PTPN13: variants seen among roughly 807,000 people sequenced by gnomAD.
PTPN13 encodes tyrosine-protein phosphatase non-receptor type 13.
A neutral mutation model predicts 284.0 loss-of-function variants in PTPN13; 191 were observed. The ratio of observed to expected loss-of-function variants is 0.67; its 90% CI spans 0.60 to 0.76. The LOEUF is 0.76. Among genes scored for constraint, PTPN13 ranks in the 30% least tolerant of loss-of-function variants. The pLI is 0.00. For synonymous variants in PTPN13, 986 were observed against 1,022.3 expected, an observed-to-expected ratio of 0.96 and a Z score of 0.68; for missense variants, 2,797 against 2,939.9, an observed-to-expected ratio of 0.95 and a Z score of 1.12.
chr4:86,759,199 A>G (rs1166287654), intron 23 of PTPN13, 126 bp downstream of exon 23: 5 of 941,192 alleles, frequency 5.3e-6, no homozygotes, highest in Non-Finnish European at 7.8e-6. Flanking sequence ...AACTGTGATT[A>G]CTTAATGTGT....
At chr4:86,674,746 C>T (rs535351285) in intron 3 of PTPN13, among the ~76,000 whole-genome samples, 13 of 152,146 alleles carry the variant, frequency 8.5e-5, no homozygotes, top group South Asian at 2.1e-4. Flanking sequence ...TTGTATGTTA[C>T]GGAGTAGATA....
chr4:86,722,837 A>G (rs1169484288), intron 10 of PTPN13, among the ~76,000 whole-genome samples: 3 of 152,170 alleles, frequency 2.0e-5, no homozygotes, highest in Admixed American at 6.5e-5. Context: ...TATCAAGTGC[A>G]TTTCATCTTG....
intron 44 of PTPN13, 60 bp downstream of exon 44, chr4:86,805,429 A>T (rs1258566215): frequency 1.9e-6 from 2 of 1,054,876 alleles, no homozygotes; most frequent in African/African-American, 3.3e-5. Flanking sequence ...ATGGATTAAA[A>T]TTTTTTGTGT....
chr4:86,762,615 TTG>T, intron 23 of PTPN13, 110 bp from the exon 24 acceptor site: 7 of 835,334 alleles, frequency 8.4e-6, no homozygotes, highest in Non-Finnish European at 1.3e-5. Context: ...TAATGGTGTT[TTG>T]TGTGTCATCC....
chr4:86,701,326 T>A lies in PTPN13; in HGVS notation c.720T>A (p.Ser240=), dbSNP rs1275684143. ...TTCTTAACAAAGGGCTTAGTAAATC[T>A]ATGGGATTTCTGTCCATCAAAGATA... The part of the protein sequence containing the change: ...QTFLNKGLSK[S]MGFLSIKDTQ... The change falls in exon 7 of 48, where the codon TCT becomes TCA. Residue 240 remains serine (S), a synonymous_variant. Coordinates refer to ENST00000411767, the MANE Select transcript of PTPN13 (RefSeq NM_080683.3). The A allele has an allele frequency of 6.2e-7, 1 of 1,612,808 alleles. No individual in the cohort carries two copies. Among genetic ancestry groups the A allele is most frequent in the Non-Finnish European group, 8.5e-7 (1 of 1,179,060 alleles).
chr4:86,761,855 A>T (rs1738734902), intron 23 of PTPN13, among the ~76,000 whole-genome samples: 1 of 151,842 alleles, frequency 6.6e-6, no homozygotes, highest in Non-Finnish European at 1.5e-5. Context: ...ATTACTCTTA[A>T]TTTTTCCCTT....
rs1290980150 is a variant in PTPN13 at position 86,716,219 on chromosome 4, A to G, written c.1196-311A>G. Among the ~76,000 whole-genome samples the G allele has an allele frequency of 5.3e-5, 8 of 152,304 alleles. 1 individual carries two copies. Among genetic ancestry groups the G allele is most frequent in the Admixed American group, 5.2e-4 (8 of 15,294 alleles). On this transcript the variant is annotated intron_variant, in intron 7 of 47. Coordinates refer to ENST00000411767, the MANE Select transcript of PTPN13 (RefSeq NM_080683.3). ...ATTCTCACAACCTTATGCGATGTGC[A>G]CTATTATTATACCCCCTCTTTGGCT... is the stretch of plus-strand genomic sequence containing the variant.
intron 9 of PTPN13, among the ~76,000 whole-genome samples, chr4:86,718,957 T>C (rs1387805550): frequency 1.3e-5 from 2 of 152,194 alleles, no homozygotes; most frequent in African/African-American, 4.8e-5. Context: ...CAAAGATCTA[T>C]GCTTTACGTT....
chr4:86,758,868 A>G, intron 22 of PTPN13, 74 bp from the exon 23 acceptor site: 1 of 1,583,968 alleles, frequency 6.3e-7, no homozygotes, highest in South Asian at 1.1e-5. Context: ...ATAATTGAGA[A>G]AGAGATGATA....
At chr4:86,607,429 C>T (rs1223876915) in intron 1 of PTPN13, among the ~76,000 whole-genome samples, 1 of 151,896 alleles carries the variant, frequency 6.6e-6, no homozygotes, top group East Asian at 1.9e-4. Flanking sequence ...GTGTGCTAGG[C>T]ACTCTTTTAA....
chr4:86,806,894 C>CT (rs1744721363), intron 44 of PTPN13, among the ~76,000 whole-genome samples: 1 of 152,136 alleles, frequency 6.6e-6, no homozygotes, highest in African/African-American at 2.4e-5. Context: ...CTTGTACATA[C>CT]TTTTCACTGG....
chr4:86,723,894 T>A (rs1178540793), intron 10 of PTPN13, among the ~76,000 whole-genome samples: 2 of 152,246 alleles, frequency 1.3e-5, no homozygotes, highest in African/African-American at 4.8e-5. Flanking sequence ...TACCCTATAC[T>A]GTTTTCATTT....
intron 3 of PTPN13, among the ~76,000 whole-genome samples, chr4:86,684,980 G>A (rs568354731): frequency 6.6e-6 from 1 of 152,262 alleles, no homozygotes; most frequent in East Asian, 1.9e-4. Context: ...CTCCCCGTGT[G>A]AATTCCCATA....
At chr4:86,734,050 A>G (rs917331472) in intron 12 of PTPN13, among the ~76,000 whole-genome samples, 4 of 152,172 alleles carry the variant, frequency 2.6e-5, no homozygotes, top group Non-Finnish European at 5.9e-5. Context: ...TGTCATACGG[A>G]TAGTAAATGT....
chr4:86,600,523 G>C (rs1764214877), intron 1 of PTPN13, among the ~76,000 whole-genome samples: 2 of 135,646 alleles, frequency 1.5e-5, no homozygotes, highest in Non-Finnish European at 1.5e-5. Context: ...AAGAATGCTT[G>C]ATGGAATGTT....
chr4:86,595,875 G>A, intron 1 of PTPN13: 2 of 546,374 alleles, frequency 3.7e-6, no homozygotes, highest in Non-Finnish European at 4.7e-6. Context: ...CATGTATTAT[G>A]AAACAAGCTT....
intron 9 of PTPN13, 45 bp downstream of exon 9, chr4:86,717,162 G>GTTTGTTT: frequency 8.4e-7 from 1 of 1,186,014 alleles, no homozygotes; most frequent in Non-Finnish European, 1.2e-6. Flanking sequence ...AGTGACCAGT[G>GTTTGTTT]TTTGTTTTTT....
In PTPN13 at chr4:86,689,955, G is replaced by A. The variant is rs970154847; in HGVS notation, c.546+765G>A. ...TACAAATTTACCACTGCCACACAGT[G>A]TTCTTGTTGACTTCCTCAGAATTCC... On this transcript the variant is annotated intron_variant, in intron 5 of 47. Coordinates refer to ENST00000411767, the MANE Select transcript of PTPN13 (RefSeq NM_080683.3). 23 of 432,494 alleles carry A rather than the reference G, an allele frequency of 5.3e-5. No homozygotes were observed. In the South Asian group the frequency reaches 1.3e-3, roughly 24 times the overall value. The allele number at this position is 432,494 out of a possible 1,614,324, so 26.8% of individuals were successfully genotyped here.
chr4:86,808,036 G>A, intron 45 of PTPN13, 139 bp downstream of exon 45: 1 of 734,532 alleles, frequency 1.4e-6, no homozygotes, highest in African/African-American at 1.8e-5. Flanking sequence ...TGGAACTAAT[G>A]CTAGCTATTT....
Sources: allele counts gnomAD v4.1 joint callset (sites outside exome capture counted in the v4.1 genomes callset), GRCh38; gene constraint gnomAD v4.1.1; transcripts MANE v1.5; gene names NCBI Gene and HGNC (gene_info 2026-07-23, HGNC 2026-07-21).